The following TRIM26 variants were observed in gnomAD, a reference collection of about 807,000 sequenced individuals.
TRIM26 encodes the protein tripartite motif-containing protein 26.
A neutral mutation model predicts 45.5 loss-of-function variants in TRIM26; 16 were observed. That is an observed-to-expected ratio of 0.35 (90% CI 0.24 to 0.53). The LOEUF is 0.53. TRIM26 is among the 20% of genes least tolerant of loss of function. The pLI is 0.92. For missense variants in TRIM26, 442 were observed against 691.1 expected (o/e 0.64, Z 4.04); for synonymous variants, 273 against 290.4 (o/e 0.94, Z 0.61).
chr6:30,211,443 C>T (rs921846055), intron 1 of TRIM26, among the ~76,000 whole-genome samples: 2 of 152,188 alleles, frequency 1.3e-5, no homozygotes, highest in Admixed American at 1.3e-4. Context: ...TTCCAAGAAG[C>T]CTCAATACAG....
At chr6:30,206,573 C>G (rs1483765511) in intron 1 of TRIM26, among the ~76,000 whole-genome samples, 4 of 152,264 alleles carry the variant, frequency 2.6e-5, no homozygotes, top group Admixed American at 2.0e-4. Flanking sequence ...AATGTTGAAT[C>G]ATGAACCAAG....
At chr6:30,192,392 C>T (rs1775945823) in intron 6 of TRIM26, among the ~76,000 whole-genome samples, 1 of 152,202 alleles carries the variant, frequency 6.6e-6, no homozygotes, top group South Asian at 2.1e-4. Context: ...TGCAGTGTCT[C>T]TCTGGGCCTC....
chr6:30,200,824 A>C (rs1483651037), intron 3 of TRIM26, among the ~76,000 whole-genome samples: 1 of 152,204 alleles, frequency 6.6e-6, no homozygotes, highest in African/African-American at 2.4e-5. Flanking sequence ...AGGTCATGTG[A>C]AAGAATTATG....
chr6:30,189,124 C>T lies in TRIM26; in HGVS notation c.937+43G>A. On this transcript the variant is annotated intron_variant, in intron 9 of 9. Coordinates refer to ENST00000454678, the MANE Select transcript of TRIM26 (RefSeq NM_003449.5). This position sits in a 1 kb window ranked among gnomAD's most constrained non-coding sequence, Gnocchi z 5.0. ...TCAGAATCTCTGCAGGCGGAGTTTT[C>T]TATATTTGATGTACATCTGGGAAAC... 6.3e-7 allele frequency: 1 copy of T among 1,593,630 alleles called. No homozygotes were observed. Among genetic ancestry groups the T allele is most frequent in the Non-Finnish European group, 8.5e-7 (1 of 1,172,130 alleles).
intron 9 of TRIM26, among the ~76,000 whole-genome samples, chr6:30,187,980 G>A (rs371572972): frequency 7.3e-5 from 10 of 136,940 alleles, no homozygotes; most frequent in South Asian, 2.4e-4. Flanking sequence ...AGCACTTTGG[G>A]AGGCCGAGGC....
rs573903712 is a variant in TRIM26, at chr6:30,186,929, T to C, written c.938-371A>G. 5.3e-6 allele frequency: 3 copies of C among 569,268 alleles called. No individual in the cohort carries two copies. The highest frequency in any genetic ancestry group is 9.6e-6 in the Non-Finnish European group (3 of 313,482). The allele number at this position is 569,268 out of a possible 1,614,324, so 35.3% of individuals were successfully genotyped here. ...CAGTCCCTGAAAAATCTGTTCCATT[T>C]TCTTCATAATCCAGAAAAAAAGTCC... On this transcript the variant is annotated intron_variant, in intron 9 of 9. Coordinates refer to ENST00000454678, the MANE Select transcript of TRIM26 (RefSeq NM_003449.5). The surrounding 1 kb of genome is among the most constrained non-coding windows in gnomAD (Gnocchi z 7.4).
chr6:30,185,663 G>A lies in TRIM26; in HGVS notation c.*213C>T. ...AGAAGTTCCCTCGGGAAACCAGCAGGAGGTGGGAAAAGAGCCCCATTAGGG... is the reference window on the plus strand; with the variant it reads ...AGAAGTTCCCTCGGGAAACCAGCAGAAGGTGGGAAAAGAGCCCCATTAGGG... On this transcript the variant is annotated 3_prime_UTR_variant, in exon 10 of 10. Transcript: ENST00000454678. The surrounding 1 kb of genome is among the most constrained non-coding windows in gnomAD (Gnocchi z 5.7). 3 of 594,268 alleles carry A rather than the reference G, an allele frequency of 5.0e-6. No individual in the cohort carries two copies. The highest frequency in any genetic ancestry group is 5.2e-4 in the Middle Eastern group (2 of 3,846). 36.8% of individuals were successfully genotyped at this position (594,268 alleles called of 1,614,324 possible).
At position 30,198,911 on chromosome 6, in the gene TRIM26, T is replaced by G; in HGVS notation, c.193A>C (p.Ile65Leu). The change falls in exon 4 of 10, where the codon ATC becomes CTC. Residue 65 changes from isoleucine (I) to leucine (L), a missense_variant. By Grantham distance (5) the Ile-to-Leu change is conservative. Transcript: ENST00000454678. This position sits in a 1 kb window ranked among gnomAD's most constrained non-coding sequence, Gnocchi z 6.3. Reference protein sequence around the residue: ...LCKKPFKKENIRPVWQLASLV... With the variant: ...LCKKPFKKENLRPVWQLASLV... ...CTGGCCAGTTGCCACACGGGTCGGA[T>G]GTTCTCCTTCTTAAAAGGCTTCTTG... 4 of 1,612,812 alleles carry G rather than the reference T, an allele frequency of 2.5e-6. No homozygotes were observed. The highest frequency in any genetic ancestry group is 3.4e-6 in the Non-Finnish European group (4 of 1,179,908).
At chr6:30,195,672 C>G (rs1421000730) in intron 6 of TRIM26, among the ~76,000 whole-genome samples, 3 of 152,294 alleles carry the variant, frequency 2.0e-5, no homozygotes, top group East Asian at 3.9e-4. Context: ...ATTGCCCTGC[C>G]ATTAGCCTGG....
At chr6:30,187,036 A>C in intron 9 of TRIM26, 2 of 338,798 alleles carry the variant, frequency 5.9e-6, no homozygotes, top group Non-Finnish European at 5.6e-6. Context: ...CACAATAACT[A>C]TGTGAATGAC....
rs151039446 is a variant in TRIM26 at position 30,196,597 on chromosome 6, G to T, written c.684C>A (p.Gly228=). The change falls in exon 6 of 10, where the codon GGC becomes GGA. Residue 228 remains glycine (G), a synonymous_variant. Transcript: ENST00000454678. The surrounding 1 kb of genome is among the most constrained non-coding windows in gnomAD (Gnocchi z 4.9). The stretch of plus-strand genomic sequence containing the variant: ...GGGCCAGCCGGGCAAGCTCCCCGAC[G>T]CCCCGGCTCTTGAACTTCTCCCTGC... ...TEGREKFKSR[G]VGELARLALV... is the part of the protein sequence containing the mutation. The T allele has an allele frequency of 1.2e-6, 2 of 1,613,472 alleles. No homozygotes were observed. The highest frequency in any genetic ancestry group is 2.2e-5 in the South Asian group (2 of 91,090).
At position 30,196,587 on chromosome 6, in the gene TRIM26, G is replaced by C; in HGVS notation, c.694C>G (p.Leu232Val). ...EKFKSRGVGE[L>V]ARLALVISEL... ...GAGATGACCAGGGCCAGCCGGGCAA[G>C]CTCCCCGACGCCCCGGCTCTTGAAC... The change falls in exon 6 of 10, where the codon CTT becomes GTT. Residue 232 changes from leucine to valine, a missense_variant. Transcript: ENST00000454678. This position sits in a 1 kb window ranked among gnomAD's most constrained non-coding sequence, Gnocchi z 4.9. The C allele has an allele frequency of 6.2e-7, 1 of 1,613,140 alleles. No individual in the cohort carries two copies. The highest frequency in any genetic ancestry group is 8.5e-7 in the Non-Finnish European group (1 of 1,180,044).
In TRIM26 at chr6:30,196,717, A is replaced by G. The variant is rs140966229; in HGVS notation, c.564T>C (p.Ile188=). The change falls in exon 6 of 10, where the codon ATT becomes ATC. Residue 188 remains isoleucine (I), a synonymous_variant. Coordinates refer to ENST00000454678, the MANE Select transcript of TRIM26 (RefSeq NM_003449.5). The surrounding 1 kb of genome is among the most constrained non-coding windows in gnomAD (Gnocchi z 4.9). Reference sequence around the variant, plus strand: ...GATGACCCTGCTCAAACTCAGCCACAATGTACTGCCTCTGGTCCTGGAGCT... The same window carrying G: ...GATGACCCTGCTCAAACTCAGCCACGATGTACTGCCTCTGGTCCTGGAGCT... ...LKKLQDQRQY[I]VAEFEQGHQF... is the part of the protein sequence containing the mutation. 2.1e-3 allele frequency: 3,327 copies of G among 1,614,192 alleles called. 13 individuals are homozygous for G. The highest frequency in any genetic ancestry group is 0.012 in the African/African-American group (901 of 75,048).
chr6:30,191,526 G>C (rs564438506), intron 6 of TRIM26, among the ~76,000 whole-genome samples: 3 of 151,120 alleles, frequency 2.0e-5, no homozygotes, highest in Non-Finnish European at 4.4e-5. Context: ...TGAGTGATAC[G>C]CACCACGGGA....
chr6:30,195,538 C>T (rs1776370230), intron 6 of TRIM26, among the ~76,000 whole-genome samples: 1 of 152,172 alleles, frequency 6.6e-6, no homozygotes. Flanking sequence ...GGTCTAAAAT[C>T]CCTGCCAGTC....
In TRIM26 at chr6:30,196,223, A is replaced by C. The variant is rs1030240344; in HGVS notation, c.765+293T>G. On this transcript the variant is annotated intron_variant, in intron 6 of 9. Coordinates refer to ENST00000454678, the MANE Select transcript of TRIM26 (RefSeq NM_003449.5). This position sits in a 1 kb window ranked among gnomAD's most constrained non-coding sequence, Gnocchi z 4.9. ...AAGAGGGCTTGTGATGGCAGTGATGAGGATGGAGGATGGTAAATGATATTA... is the reference window on the plus strand; with the variant it reads ...AAGAGGGCTTGTGATGGCAGTGATGCGGATGGAGGATGGTAAATGATATTA... 6.6e-6 allele frequency among the ~76,000 whole-genome samples: 1 copy of C among 152,228 alleles called. No homozygotes were observed. Among genetic ancestry groups the C allele is most frequent in the African/African-American group, 2.4e-5 (1 of 41,456 alleles).
intron 5 of TRIM26, among the ~76,000 whole-genome samples, chr6:30,197,829 G>A (rs1184781888): frequency 6.6e-6 from 1 of 152,140 alleles, no homozygotes; most frequent in Non-Finnish European, 1.5e-5. Flanking sequence ...CAGTAGAGAC[G>A]CTTTTTCTTT....
At position 30,201,773 on chromosome 6, in the gene TRIM26, G is replaced by A. The variant is rs373476575; in HGVS notation, c.-265-635C>T. Among the ~76,000 whole-genome samples the A allele has an allele frequency of 2.8e-3, 432 of 152,108 alleles. 15 individuals are homozygous for A. In the South Asian group the frequency reaches 0.059, roughly 21 times the overall value. ...GCAGGAGAATCAATCACCTCAACCC[G>A]GGAGGCAGAGGTTGCAGTGAGCCGA... On this transcript the variant is annotated intron_variant, in intron 2 of 9. Coordinates refer to ENST00000454678, the MANE Select transcript of TRIM26 (RefSeq NM_003449.5).
Position 30,207,239 on chromosome 6 carries a change from G to A in TRIM26, c.-375-2474C>T, listed in dbSNP as rs980486241. 2.0e-5 allele frequency among the ~76,000 whole-genome samples: 3 copies of A among 152,138 alleles called. No homozygotes were observed. Among genetic ancestry groups the A allele is most frequent in the African/African-American group, 7.2e-5 (3 of 41,426 alleles). On this transcript the variant is annotated intron_variant, in intron 1 of 9. Transcript: ENST00000454678. The surrounding 1 kb of genome is among the most constrained non-coding windows in gnomAD (Gnocchi z 4.9). Reference sequence around the variant, plus strand: ...CTAACAGCCCTGGGAAGCCATTGAGGGTTTAAGCAGCAGGATGTTGAAAGT... The same window carrying A: ...CTAACAGCCCTGGGAAGCCATTGAGAGTTTAAGCAGCAGGATGTTGAAAGT...
Sources: allele counts gnomAD v4.1 joint callset (sites outside exome capture counted in the v4.1 genomes callset), GRCh38; gene constraint gnomAD v4.1.1; non-coding constraint Gnocchi (gnomAD v3.1); transcripts MANE v1.5; gene names NCBI Gene and HGNC (gene_info 2026-07-23, HGNC 2026-07-21).